ADGRL3: variants seen among roughly 807,000 people sequenced by gnomAD.
The protein encoded by ADGRL3 is adhesion G protein-coupled receptor L3, also known as calcium-independent alpha-latrotoxin receptor 3.
In ADGRL3, 62 loss-of-function variants were observed where a neutral mutation model predicts 153.5. The observed-to-expected ratio is 0.40, with a 90% CI of 0.33 to 0.50. ADGRL3 has a LOEUF of 0.50. Among genes scored for constraint, ADGRL3 ranks in the 20% least tolerant of loss-of-function variants. The pLI, the probability that ADGRL3 is intolerant of heterozygous loss-of-function variation, is 0.47. For missense variants in ADGRL3, 1,641 were observed against 1,859.4 expected (o/e 0.88, Z 2.16); for synonymous variants, 710 against 672.5 (o/e 1.06, Z -0.86).
At chr4:61,987,457 G>A (rs1289000619) in intron 19 of ADGRL3, among the ~76,000 whole-genome samples, 1 of 152,026 alleles carries the variant, frequency 6.6e-6, no homozygotes, top group Admixed American at 6.6e-5. Flanking sequence ...TTACAGGTGT[G>A]AGCCACCATG....
intron 2 of ADGRL3, among the ~76,000 whole-genome samples, chr4:61,400,199 G>A (rs184495240): frequency 6.6e-6 from 1 of 151,504 alleles, no homozygotes; most frequent in Non-Finnish European, 1.5e-5. Context: ...TATCTAGAAG[G>A]GTTAATTTTA....
rs140696217 is a variant in ADGRL3 at position 61,860,846 on chromosome 4, A to G, written c.1481-31810A>G. ...CATCATCCTCTTACCACAAATAACAAAACTGAGCCTTAGCAAGTGCAAAGT... is the reference window on the plus strand; with the variant it reads ...CATCATCCTCTTACCACAAATAACAGAACTGAGCCTTAGCAAGTGCAAAGT... On this transcript the variant is annotated intron_variant, in intron 9 of 26. Transcript: ENST00000683033. 7.0e-3 allele frequency among the ~76,000 whole-genome samples: 1,059 copies of G among 152,294 alleles called. 9 individuals are homozygous for G. The highest frequency in any genetic ancestry group is 0.018 in the South Asian group (87 of 4,830).
chr4:61,901,010 T>C (rs1254060232), intron 11 of ADGRL3, among the ~76,000 whole-genome samples: 2 of 152,184 alleles, frequency 1.3e-5, no homozygotes, highest in Non-Finnish European at 2.9e-5. Context: ...GAGACTATTT[T>C]GCATACTTTT....
intron 2 of ADGRL3, among the ~76,000 whole-genome samples, chr4:61,493,363 G>GAC (rs1560725546): frequency 6.6e-6 from 1 of 152,124 alleles, no homozygotes; most frequent in East Asian, 1.9e-4. Flanking sequence ...AATGTCAAAT[G>GAC]TCCGAGTAGA....
chr4:61,754,716 C>A (rs1368997405), intron 8 of ADGRL3, among the ~76,000 whole-genome samples: 1 of 151,992 alleles, frequency 6.6e-6, no homozygotes, highest in Non-Finnish European at 1.5e-5. Context: ...TGCGCTGCAC[C>A]CATTAACTCC....
intron 9 of ADGRL3, among the ~76,000 whole-genome samples, chr4:61,851,407 C>T (rs541938014): frequency 4.7e-4 from 71 of 151,716 alleles, no homozygotes; most frequent in African/African-American, 1.6e-3. Flanking sequence ...GACAGCATAA[C>T]GAGAGACCTT....
chr4:62,008,454 T>C (rs1472944766), intron 21 of ADGRL3, among the ~76,000 whole-genome samples: 1 of 152,114 alleles, frequency 6.6e-6, no homozygotes, highest in African/African-American at 2.4e-5. Context: ...CTTTATGTGA[T>C]AAAATTATGA....
At chr4:61,309,713 C>T (rs1040538693) in intron 1 of ADGRL3, among the ~76,000 whole-genome samples, 1 of 152,084 alleles carries the variant, frequency 6.6e-6, no homozygotes, top group African/African-American at 2.4e-5. Flanking sequence ...CCACAAAAAT[C>T]TCACTACCAC....
At chr4:62,011,581 G>A (rs1038603526) in intron 21 of ADGRL3, among the ~76,000 whole-genome samples, 2 of 152,048 alleles carry the variant, frequency 1.3e-5, no homozygotes, top group African/African-American at 2.4e-5. Flanking sequence ...TGAGGGGAAC[G>A]TCAAAGAGAC....
At chr4:61,795,857 T>G (rs2152457459) in intron 8 of ADGRL3, among the ~76,000 whole-genome samples, 1 of 152,320 alleles carries the variant, frequency 6.6e-6, no homozygotes, top group Non-Finnish European at 1.5e-5. Context: ...TCTTTTTGTT[T>G]CTGGAGACAG....
chr4:61,890,803 G>A (rs957903590), intron 9 of ADGRL3, among the ~76,000 whole-genome samples: 1 of 152,092 alleles, frequency 6.6e-6, no homozygotes, highest in Non-Finnish European at 1.5e-5. Context: ...TGGAAAAATA[G>A]CACAAAATGT....
chr4:61,556,484 C>T (rs2098767745), intron 4 of ADGRL3, among the ~76,000 whole-genome samples: 4 of 151,930 alleles, frequency 2.6e-5, no homozygotes, highest in Non-Finnish European at 5.9e-5. Context: ...GGACTTTGGA[C>T]CTGCAGAAAA....
chr4:62,068,221 AT>A (rs757843677), intron 26 of ADGRL3, 38 bp downstream of exon 26: 493 of 1,576,390 alleles, frequency 3.1e-4, no homozygotes, highest in Non-Finnish European at 3.5e-4. Context: ...ATCAAATGTA[AT>A]TTTTTTTAGT....
rs1225106140 is a variant in ADGRL3, at chr4:62,070,562, G to C, written c.4286G>C (p.Ser1429Thr). ...YTRRRIPQDH[S>T]ESFFPLLTNE... is the part of the protein sequence containing the mutation. ...AGAAGGCGGATCCCCCAAGACCACA[G>C]TGAGAGCTTTTTCCCTTTGCTAACC... Residue 1429 changes from serine to threonine, a missense_variant, in exon 27 of 27, where the codon AGT becomes ACT. This residue lies in a region of ADGRL3 where 517 missense variants were observed against 555.0 expected (regional missense o/e 0.93). Coordinates refer to ENST00000683033, the MANE Select transcript of ADGRL3 (RefSeq NM_001387552.1). 6.4e-7 allele frequency: 1 copy of C among 1,551,084 alleles called. No homozygotes were observed. Among genetic ancestry groups the C allele is most frequent in the Admixed American group, 2.0e-5 (1 of 50,870 alleles).
chr4:61,484,775 A>T (rs2098171159), intron 2 of ADGRL3, among the ~76,000 whole-genome samples: 1 of 152,286 alleles, frequency 6.6e-6, no homozygotes, highest in African/African-American at 2.4e-5. Flanking sequence ...AATTACTTTC[A>T]GTATTATATT....
chr4:61,737,025 CACAA>C (rs1024212425), intron 8 of ADGRL3, among the ~76,000 whole-genome samples: 2 of 151,554 alleles, frequency 1.3e-5, no homozygotes, highest in East Asian at 1.9e-4. Context: ...TCTTATTTCA[CACAA>C]ACAGTTTCAG....
intron 9 of ADGRL3, among the ~76,000 whole-genome samples, chr4:61,817,590 T>C (rs1374577426): frequency 6.6e-6 from 1 of 152,050 alleles, no homozygotes; most frequent in Non-Finnish European, 1.5e-5. Context: ...TGTCCCTCAA[T>C]GAAGCTCCTG....
intron 6 of ADGRL3, among the ~76,000 whole-genome samples, chr4:61,705,087 C>G (rs911492548): frequency 2.0e-5 from 3 of 152,222 alleles, no homozygotes; most frequent in Admixed American, 2.0e-4. Flanking sequence ...CCATGAATTA[C>G]AAATGTTTGT....
intron 4 of ADGRL3, among the ~76,000 whole-genome samples, chr4:61,540,216 C>T (rs1490011068): frequency 6.6e-6 from 1 of 152,100 alleles, no homozygotes; most frequent in Non-Finnish European, 1.5e-5. Context: ...GAAATATTTA[C>T]CACTTTACCA....
Sources: allele counts gnomAD v4.1 joint callset (sites outside exome capture counted in the v4.1 genomes callset), GRCh38; gene constraint gnomAD v4.1.1; regional missense constraint gnomAD v4.1.1; transcripts MANE v1.5; gene names NCBI Gene and HGNC (gene_info 2026-07-23, HGNC 2026-07-21).